Variants in MCF2L2 observed in about 807,000 individuals in gnomAD.
The protein encoded by MCF2L2 is MCF.2 cell line derived transforming sequence-like 2, also known as probable guanine nucleotide exchange factor MCF2L2.
A neutral mutation model predicts 150.2 loss-of-function variants in MCF2L2; 102 were observed. The observed-to-expected ratio is 0.68, with a 90% CI of 0.58 to 0.80. The LOEUF is 0.80. Among genes scored for constraint, MCF2L2 ranks in the 30% least tolerant of loss-of-function variants. The pLI is 0.00. For synonymous variants in MCF2L2, 465 were observed against 491.3 expected, an observed-to-expected ratio of 0.95 and a Z score of 0.71; for missense variants, 1,256 against 1,372.8, an observed-to-expected ratio of 0.91 and a Z score of 1.34.
At chr3:183,255,449 T>G (rs1020639378) in intron 15 of MCF2L2, among the ~76,000 whole-genome samples, 1 of 152,334 alleles carries the variant, frequency 6.6e-6, no homozygotes, top group East Asian at 1.9e-4. Flanking sequence ...AACCTGCTTG[T>G]CCTTCTCACT....
At chr3:183,332,105 A>G (rs1183741716) in intron 5 of MCF2L2, among the ~76,000 whole-genome samples, 1 of 152,210 alleles carries the variant, frequency 6.6e-6, no homozygotes, top group Non-Finnish European at 1.5e-5. Context: ...AAGTGCTAAT[A>G]TCACAACACG....
chr3:183,396,820 C>G (rs948868828), intron 1 of MCF2L2, among the ~76,000 whole-genome samples: 4 of 152,090 alleles, frequency 2.6e-5, no homozygotes, highest in Non-Finnish European at 5.9e-5. Flanking sequence ...GACAGAGAAA[C>G]AGAGGAAGAC....
intron 5 of MCF2L2, among the ~76,000 whole-genome samples, chr3:183,335,497 A>C (rs1419607458): frequency 6.6e-6 from 1 of 152,096 alleles, no homozygotes; most frequent in Non-Finnish European, 1.5e-5. Context: ...CAAGGTAATG[A>C]TATTGGAAGG....
Position 183,224,159 on chromosome 3 carries a change from T to A in MCF2L2, c.2147A>T (p.His716Leu). The A allele has an allele frequency of 1.2e-6, 2 of 1,613,796 alleles. No homozygotes were observed. The highest frequency in any genetic ancestry group is 1.7e-6 in the Non-Finnish European group (2 of 1,179,688). The change falls in exon 19 of 30, where the codon CAT becomes CTT. Residue 716 changes from histidine (H) to leucine (L), a missense_variant. Transcript: ENST00000328913. ...TGCCCTAGCTCGGGGCAGATTCTTA[T>A]GGTATTTAAAATATATCTGAAGATC... ...KEDLQIYFKY[H>L]KNLPRARAIW...
chr3:183,389,859 T>C, intron 1 of MCF2L2, 80 bp from the exon 2 acceptor site: 1 of 1,166,516 alleles, frequency 8.6e-7, no homozygotes, highest in Non-Finnish European at 1.3e-6. Flanking sequence ...AAAGGCAAGT[T>C]GTACTATTGG....
chr3:183,357,252 C>T (rs999055780), intron 3 of MCF2L2, among the ~76,000 whole-genome samples: 2 of 152,094 alleles, frequency 1.3e-5, no homozygotes, highest in African/African-American at 4.8e-5. Flanking sequence ...AAGAACACTA[C>T]AAACTTCAAG....
chr3:183,384,637 C>T (rs1713728759), intron 2 of MCF2L2, among the ~76,000 whole-genome samples: 3 of 152,142 alleles, frequency 2.0e-5, no homozygotes, highest in African/African-American at 7.2e-5. Context: ...TTCCCCCCAC[C>T]CACCAAGTTA....
chr3:183,247,391 T>C (rs1724306557), intron 15 of MCF2L2, among the ~76,000 whole-genome samples: 1 of 152,200 alleles, frequency 6.6e-6, no homozygotes, highest in Non-Finnish European at 1.5e-5. Context: ...CTCAACACTC[T>C]GGTTCAGAAG....
chr3:183,405,422 T>C (rs1714992506), intron 1 of MCF2L2, among the ~76,000 whole-genome samples: 1 of 151,846 alleles, frequency 6.6e-6, no homozygotes, highest in African/African-American at 2.4e-5. Context: ...ATGGAGTCGT[T>C]TAAGCATCGA....
chr3:183,218,496 G>A (rs1031952479), intron 21 of MCF2L2, among the ~76,000 whole-genome samples: 13 of 152,076 alleles, frequency 8.5e-5, no homozygotes, highest in African/African-American at 2.4e-4. Flanking sequence ...TTAGCCGGGC[G>A]TGGTGGCGGG....
At chr3:183,293,222 T>C (rs1409918508) in intron 13 of MCF2L2, among the ~76,000 whole-genome samples, 2 of 152,204 alleles carry the variant, frequency 1.3e-5, no homozygotes, top group African/African-American at 4.8e-5. Context: ...TCGCACAAGA[T>C]AGACTTTAAG....
At position 183,232,477 on chromosome 3, in the gene MCF2L2, C is replaced by T. The variant is rs199915151; in HGVS notation, c.1863-1460G>A. 4.6e-5 allele frequency among the ~76,000 whole-genome samples: 7 copies of T among 152,200 alleles called. No individual in the cohort carries two copies. In the East Asian group the frequency reaches 1.3e-3, roughly 29 times the overall value. On this transcript the variant is annotated intron_variant, in intron 15 of 29. Transcript: ENST00000328913. ...CCCAGACAGACTTTCTTTCTCTCCTCAGGCTACGTGGCCATATTTATTATT... is the reference window on the plus strand; with the variant it reads ...CCCAGACAGACTTTCTTTCTCTCCTTAGGCTACGTGGCCATATTTATTATT...
At chr3:183,186,720 T>C (rs1721707438) in intron 27 of MCF2L2, among the ~76,000 whole-genome samples, 1 of 152,164 alleles carries the variant, frequency 6.6e-6, no homozygotes, top group South Asian at 2.1e-4. Flanking sequence ...AGAGTGAAAC[T>C]CCGTCTCAAA....
chr3:183,399,782 C>T (rs2108610013), intron 1 of MCF2L2, among the ~76,000 whole-genome samples: 1 of 152,220 alleles, frequency 6.6e-6, no homozygotes, highest in African/African-American at 2.4e-5. Flanking sequence ...GATCCTGAGA[C>T]GGAATGTAGA....
chr3:183,339,889 T>C (rs1468925271), intron 4 of MCF2L2, among the ~76,000 whole-genome samples: 1 of 152,154 alleles, frequency 6.6e-6, no homozygotes, highest in Non-Finnish European at 1.5e-5. Context: ...GATTTGGGGA[T>C]CCCTGCACTA....
chr3:183,344,473 T>C (rs530360625), intron 3 of MCF2L2, among the ~76,000 whole-genome samples: 4 of 152,240 alleles, frequency 2.6e-5, no homozygotes, highest in Non-Finnish European at 4.4e-5. Context: ...GGCAAAAACA[T>C]ACCAAAATGT....
At position 183,191,699 on chromosome 3, in the gene MCF2L2, G is replaced by A. The variant is rs146382833; in HGVS notation, c.3016+1300C>T. 2.5e-3 allele frequency among the ~76,000 whole-genome samples: 375 copies of A among 152,078 alleles called. 1 individual carries two copies. Among genetic ancestry groups the A allele is most frequent in the African/African-American group, 8.7e-3 (361 of 41,462 alleles). Reference sequence around the variant, plus strand: ...TCTTACCATAGATCTTAGCAACCTCGGTGTGTGATTTTTTTTCTTTCTTGT... The same window carrying A: ...TCTTACCATAGATCTTAGCAACCTCAGTGTGTGATTTTTTTTCTTTCTTGT... On this transcript the variant is annotated intron_variant, in intron 27 of 29. Coordinates refer to ENST00000328913, the MANE Select transcript of MCF2L2 (RefSeq NM_015078.4).
chr3:183,202,788 G>A (rs1166543466), intron 25 of MCF2L2, among the ~76,000 whole-genome samples: 2 of 152,154 alleles, frequency 1.3e-5, no homozygotes, highest in African/African-American at 2.4e-5. Context: ...GAGGTGGGAA[G>A]GTCCAATTTC....
intron 2 of MCF2L2, among the ~76,000 whole-genome samples, chr3:183,382,572 T>C (rs879665787): frequency 6.6e-6 from 1 of 152,116 alleles, no homozygotes; most frequent in Admixed American, 6.5e-5. Context: ...ACCTACAACA[T>C]GGCATCTAGT....
Sources: gnomAD v4.1 joint callset for allele counts (sites outside exome capture counted in the v4.1 genomes callset) on GRCh38, gnomAD v4.1.1 for gene constraint, MANE v1.5 for transcripts, NCBI Gene and HGNC (gene_info 2026-07-23, HGNC 2026-07-21) for gene names.